Variants in PARD3B observed in about 807,000 individuals in gnomAD.
The protein encoded by PARD3B is par-3 family cell polarity regulator beta, also known as partitioning defective 3 homolog B.
In PARD3B, 103 loss-of-function variants were observed where a neutral mutation model predicts 130.2. That is an observed-to-expected ratio of 0.79 (90% CI 0.67 to 0.93). The LOEUF is 0.93. Among genes scored for constraint, PARD3B ranks in the 40% least tolerant of loss-of-function variants. The probability of loss-of-function intolerance (pLI) is 0.00; values close to 1 mark genes in which losing one functional copy is unlikely to be tolerated. For synonymous variants in PARD3B, 583 were observed against 553.2 expected, an observed-to-expected ratio of 1.05 and a Z score of -0.76; for missense variants, 1,609 against 1,499.2, an observed-to-expected ratio of 1.07 and a Z score of -1.21.
chr2:204,962,458 C>G (rs1272768318), intron 2 of PARD3B, among the ~76,000 whole-genome samples: 1 of 152,054 alleles, frequency 6.6e-6, no homozygotes, highest in Non-Finnish European at 1.5e-5. Flanking sequence ...CAGCGCATCT[C>G]TGTGGGAAAG....
At chr2:204,577,096 C>G (rs903214259) in intron 1 of PARD3B, among the ~76,000 whole-genome samples, 3 of 152,002 alleles carry the variant, frequency 2.0e-5, no homozygotes, top group Non-Finnish European at 4.4e-5. Flanking sequence ...TTAACTCTAC[C>G]AGAGAAATCA....
At chr2:204,980,687 GA>G (rs1464817095) in intron 3 of PARD3B, among the ~76,000 whole-genome samples, 1 of 152,106 alleles carries the variant, frequency 6.6e-6, no homozygotes, top group Non-Finnish European at 1.5e-5. Flanking sequence ...ATCATGAGAA[GA>G]ACATCAAACA....
At chr2:205,278,147 T>C (rs1207783030) in intron 16 of PARD3B, among the ~76,000 whole-genome samples, 1 of 152,024 alleles carries the variant, frequency 6.6e-6, no homozygotes, top group African/African-American at 2.4e-5. Flanking sequence ...GTTCTGGCAA[T>C]TAGGAGGCAA....
intron 21 of PARD3B, among the ~76,000 whole-genome samples, chr2:205,523,787 CTTTAT>C (rs1288050678): frequency 1.8e-5 from 2 of 111,506 alleles, no homozygotes; most frequent in South Asian, 3.0e-4. Flanking sequence ...TTGCTCAGTT[CTTTAT>C]TTTGATTCAT....
Position 204,997,260 on chromosome 2 carries a change from G to C in PARD3B, c.394+31937G>C, listed in dbSNP as rs557203223. 2.0e-5 allele frequency among the ~76,000 whole-genome samples: 3 copies of C among 152,254 alleles called. No individual in the cohort carries two copies. In the East Asian group the frequency reaches 5.8e-4, roughly 29 times the overall value. ...TTCTTCCACTTTAATTTTAGAACTGGCCGGTTAAATTTCAGAAGCAGAAAC... is the reference window on the plus strand; with the variant it reads ...TTCTTCCACTTTAATTTTAGAACTGCCCGGTTAAATTTCAGAAGCAGAAAC... On this transcript the variant is annotated intron_variant, in intron 3 of 22. Coordinates refer to ENST00000406610, the MANE Select transcript of PARD3B (RefSeq NM_001302769.2).
chr2:205,363,719 C>T (rs2044483808), intron 18 of PARD3B, among the ~76,000 whole-genome samples: 1 of 152,014 alleles, frequency 6.6e-6, no homozygotes, highest in Admixed American at 6.5e-5. Context: ...GGCTGGAATG[C>T]AGTGGCACAA....
rs528597653 is a variant in PARD3B, at chr2:204,823,413, A to G, written c.222+137131A>G. Among the ~76,000 whole-genome samples the G allele has an allele frequency of 3.4e-4, 51 of 152,104 alleles. 1 individual carries two copies. The highest frequency in any genetic ancestry group is 1.2e-3 in the African/African-American group (48 of 41,524). On this transcript the variant is annotated intron_variant, in intron 2 of 22. Transcript: ENST00000406610. ...ATTATTTTATTAAAAAATGAGTGTC[A>G]TTTATGTATTACATGTACTATGGTA... is the stretch of plus-strand genomic sequence containing the variant.
chr2:205,369,513 C>G lies in PARD3B; in HGVS notation c.2631-31500C>G, dbSNP rs143935038. ...CTACGGGCGCCTTCGTGTTCTGATT[C>G]CTGTCTACATGACCCACCACATCTT... On this transcript the variant is annotated intron_variant, in intron 18 of 22. Transcript: ENST00000406610. 4.8e-3 allele frequency among the ~76,000 whole-genome samples: 735 copies of G among 152,286 alleles called. 8 individuals carry two copies. The highest frequency in any genetic ancestry group is 0.017 in the African/African-American group (688 of 41,560).
intron 19 of PARD3B, among the ~76,000 whole-genome samples, chr2:205,402,984 G>T (rs989423194): frequency 6.6e-6 from 1 of 152,076 alleles, no homozygotes; most frequent in Non-Finnish European, 1.5e-5. Flanking sequence ...TGAACATCTG[G>T]CATTGCTCCC....
At chr2:204,800,353 ATC>A (rs1410022103) in intron 2 of PARD3B, among the ~76,000 whole-genome samples, 2 of 151,358 alleles carry the variant, frequency 1.3e-5, no homozygotes, top group African/African-American at 4.9e-5. Context: ...AAAGAAAAAA[ATC>A]AAAGCACACC....
chr2:204,991,079 T>C (rs868826286), intron 3 of PARD3B, among the ~76,000 whole-genome samples: 33 of 152,200 alleles, frequency 2.2e-4, no homozygotes, highest in African/African-American at 7.5e-4. Flanking sequence ...ATTCTTTTTT[T>C]TTTTTTATTA....
At chr2:205,578,024 C>A (rs1454413400) in intron 22 of PARD3B, among the ~76,000 whole-genome samples, 1 of 152,164 alleles carries the variant, frequency 6.6e-6, no homozygotes, top group African/African-American at 2.4e-5. Context: ...TGGAGCTCGC[C>A]TCACTGGATT....
Position 205,300,946 on chromosome 2 carries a change from T to C in PARD3B, c.2392+210T>C, listed in dbSNP as rs1363918417. On this transcript the variant is annotated intron_variant, in intron 17 of 22. Transcript: ENST00000406610. The surrounding 1 kb of genome is among the most constrained non-coding windows in gnomAD (Gnocchi z 4.1). ...ACACAATATGCAATTTATTTTACAG[T>C]GCAAGGCTAAATAAATGTTCTCCTT... Among the ~76,000 whole-genome samples the C allele has an allele frequency of 6.6e-6, 1 of 152,246 alleles. No homozygotes were observed. Among genetic ancestry groups the C allele is most frequent in the Non-Finnish European group, 1.5e-5 (1 of 68,036 alleles).
chr2:205,426,219 G>A (rs1559082206), intron 19 of PARD3B, among the ~76,000 whole-genome samples: 1 of 152,084 alleles, frequency 6.6e-6, no homozygotes, highest in East Asian at 1.9e-4. Flanking sequence ...AAGATTGCAT[G>A]TAACATTGTA....
intron 21 of PARD3B, among the ~76,000 whole-genome samples, chr2:205,517,912 T>C (rs535730920): frequency 5.3e-5 from 8 of 152,164 alleles, no homozygotes; most frequent in Admixed American, 5.2e-4. Context: ...GTCTTAGTCT[T>C]GAGTTGTATT....
intron 2 of PARD3B, among the ~76,000 whole-genome samples, chr2:204,835,008 C>G (rs2043976821): frequency 6.6e-6 from 1 of 152,194 alleles, no homozygotes; most frequent in South Asian, 2.1e-4. Context: ...GTACAAGTCA[C>G]TTAACCTCAC....
chr2:205,234,762 T>C (rs1401442538), intron 15 of PARD3B, among the ~76,000 whole-genome samples: 2 of 152,052 alleles, frequency 1.3e-5, no homozygotes, highest in Non-Finnish European at 2.9e-5. Context: ...ACATAGAACA[T>C]TTAACAGGAC....
intron 18 of PARD3B, among the ~76,000 whole-genome samples, chr2:205,339,758 A>G (rs78878421): frequency 0.033 from 5,052 of 152,248 alleles, 110 homozygotes; most frequent in Non-Finnish European, 0.048. Context: ...GTGCTTTAAG[A>G]ACATGCAACA....
intron 4 of PARD3B, among the ~76,000 whole-genome samples, chr2:205,083,731 G>T: frequency 1.3e-5 from 2 of 149,228 alleles, no homozygotes; most frequent in Non-Finnish European, 1.5e-5. Context: ...ATTTCTTTAG[G>T]CTTATTTTTT....
Sources: allele counts gnomAD v4.1 joint callset (sites outside exome capture counted in the v4.1 genomes callset), GRCh38; gene constraint gnomAD v4.1.1; non-coding constraint Gnocchi (gnomAD v3.1); transcripts MANE v1.5; gene names NCBI Gene and HGNC (gene_info 2026-07-23, HGNC 2026-07-21).